The following NCAPG2 variants were observed in gnomAD, a reference collection of about 807,000 sequenced individuals.
The protein encoded by NCAPG2 is condensin-2 complex subunit G2.
In NCAPG2, 53 loss-of-function variants were observed where a neutral mutation model predicts 141.1. The ratio of observed to expected loss-of-function variants is 0.38; its 90% confidence interval spans 0.30 to 0.47. NCAPG2 has a LOEUF of 0.47. Among genes scored for constraint, NCAPG2 ranks in the 20% least tolerant of loss-of-function variants. The pLI, the probability that NCAPG2 is intolerant of heterozygous loss-of-function variation, is 0.99. For missense variants in NCAPG2, 1,087 were observed against 1,389.0 expected, an observed-to-expected ratio of 0.78 and a Z score of 3.46; for synonymous variants, 499 against 490.7, an observed-to-expected ratio of 1.02 and a Z score of -0.22.
intron 13 of NCAPG2, chr7:158,665,500 T>C (rs886401542): frequency 1.3e-5 from 2 of 152,256 alleles, no homozygotes; most frequent in African/African-American, 4.8e-5. Context: ...ACCTGCATGG[T>C]GAGCGAAACC....
chr7:158,678,220 TCTTA>T (rs1010059658), intron 11 of NCAPG2, among the ~76,000 whole-genome samples: 4 of 152,214 alleles, frequency 2.6e-5, no homozygotes, highest in African/African-American at 9.6e-5. Flanking sequence ...TAACCACTGC[TCTTA>T]CTTATTTATC....
At chr7:158,688,780 C>T (rs1216384475) in intron 6 of NCAPG2, among the ~76,000 whole-genome samples, 1 of 152,232 alleles carries the variant, frequency 6.6e-6, no homozygotes, top group Non-Finnish European at 1.5e-5. Context: ...AGCCAAAGGT[C>T]TCAGTCCTAA....
At position 158,651,153 on chromosome 7, in the gene NCAPG2, T is replaced by C. The variant is rs555825042; in HGVS notation, c.2935-181A>G. Among the ~76,000 whole-genome samples the C allele has an allele frequency of 3.5e-3, 532 of 152,234 alleles. 6 individuals carry two copies. Among genetic ancestry groups the C allele is most frequent in the Non-Finnish European group, 6.5e-3 (441 of 68,024 alleles). On this transcript the variant is annotated intron_variant, in intron 23 of 27. Transcript: ENST00000356309. ...CTCCCAGGCTGACTCAAACCTCCTA[T>C]GCACCACGGCCAGAAGATGATAGAC... is the stretch of plus-strand genomic sequence containing the variant.
chr7:158,667,059 C>T (rs1833018054), intron 13 of NCAPG2: 3 of 905,442 alleles, frequency 3.3e-6, no homozygotes, highest in Admixed American at 6.2e-5. Flanking sequence ...CTCTGGCCAG[C>T]CAGACTGCCT....
At chr7:158,675,680 C>T in intron 11 of NCAPG2, 24 bp from the exon 12 acceptor site, 1 of 1,594,858 alleles carries the variant, frequency 6.3e-7, no homozygotes, top group Non-Finnish European at 8.5e-7. Flanking sequence ...GGGAGAAAGG[C>T]TTAAAAACCT....
chr7:158,642,925 C>A (rs1159457690), intron 27 of NCAPG2, among the ~76,000 whole-genome samples: 2 of 152,092 alleles, frequency 1.3e-5, no homozygotes, highest in Non-Finnish European at 2.9e-5. Context: ...CAGAAGCGTG[C>A]CACCACACCC....
chr7:158,656,183 A>C, intron 19 of NCAPG2, 77 bp downstream of exon 19: 3 of 1,507,952 alleles, frequency 2.0e-6, no homozygotes, highest in Non-Finnish European at 2.7e-6. Flanking sequence ...TAGCACTGTA[A>C]ATATGAAAGC....
At chr7:158,678,734 A>C (rs992469568) in intron 11 of NCAPG2, among the ~76,000 whole-genome samples, 2 of 40,214 alleles carry the variant, frequency 5.0e-5, no homozygotes, top group African/African-American at 2.2e-4. Flanking sequence ...GGAATCTTTA[A>C]AAAAAAAAAA....
chr7:158,674,798 G>A (rs1833954373), intron 12 of NCAPG2, among the ~76,000 whole-genome samples: 1 of 152,240 alleles, frequency 6.6e-6, no homozygotes, highest in African/African-American at 2.4e-5. Flanking sequence ...GCAGGAAAGT[G>A]AGATCAGTTC....
At chr7:158,689,334 A>C (rs1402671297) in intron 6 of NCAPG2, among the ~76,000 whole-genome samples, 1 of 152,170 alleles carries the variant, frequency 6.6e-6, no homozygotes, top group Non-Finnish European at 1.5e-5. Context: ...ATCTCAGTTC[A>C]GTTGGGTCCC....
chr7:158,641,880 A>C lies in NCAPG2; in HGVS notation c.3380+2409T>G, dbSNP rs866869021. On this transcript the variant is annotated intron_variant, in intron 27 of 27. Transcript: ENST00000356309. ...AATTAGGAAGGACATAGTTCAACCC[A>C]AAAACATTGTCAATTGGATATAATG... Among the ~76,000 whole-genome samples, 18 of 152,320 alleles carry C rather than the reference A, an allele frequency of 1.2e-4. 1 individual carries two copies. The highest frequency in any genetic ancestry group is 2.6e-4 in the Admixed American group (4 of 15,300).
intron 10 of NCAPG2, 87 bp downstream of exon 10, chr7:158,680,634 T>A: frequency 1.2e-6 from 1 of 823,824 alleles, no homozygotes. Flanking sequence ...TCTTTACTAT[T>A]TTATTGTAAT....
At chr7:158,654,970 A>T (rs1239100419) in intron 21 of NCAPG2, 148 bp downstream of exon 21, 1 of 1,217,028 alleles carries the variant, frequency 8.2e-7, no homozygotes, top group South Asian at 1.6e-5. Context: ...CTTTGCAAAA[A>T]GATAAACTAG....
intron 27 of NCAPG2, among the ~76,000 whole-genome samples, chr7:158,642,453 G>A (rs943526369): frequency 2.6e-5 from 4 of 152,028 alleles, no homozygotes; most frequent in Non-Finnish European, 4.4e-5. Context: ...TGGGAGAATC[G>A]CTGGAGCCTG....
intron 22 of NCAPG2, among the ~76,000 whole-genome samples, chr7:158,653,976 G>A (rs756848577): frequency 2.0e-5 from 3 of 152,146 alleles, no homozygotes; most frequent in African/African-American, 7.2e-5. Context: ...GGGGCTAGGC[G>A]TCAGGGGCCA....
chr7:158,645,015 T>C (rs1380596420), intron 26 of NCAPG2, among the ~76,000 whole-genome samples: 1 of 152,222 alleles, frequency 6.6e-6, no homozygotes, highest in Non-Finnish European at 1.5e-5. Context: ...TTACTACATT[T>C]TATACTGAGC....
intron 13 of NCAPG2, among the ~76,000 whole-genome samples, chr7:158,669,429 A>T (rs928098346): frequency 1.3e-5 from 2 of 152,098 alleles, no homozygotes; most frequent in African/African-American, 4.8e-5. Context: ...AGGCTGTTTT[A>T]AAAAATGCCA....
intron 18 of NCAPG2, 41 bp downstream of exon 18, chr7:158,656,511 C>G: frequency 6.2e-7 from 1 of 1,611,996 alleles, no homozygotes; most frequent in Non-Finnish European, 8.5e-7. Flanking sequence ...ACACAGTTAT[C>G]CTCACTCACC....
At chr7:158,678,176 G>C (rs561840791) in intron 11 of NCAPG2, among the ~76,000 whole-genome samples, 5 of 151,902 alleles carry the variant, frequency 3.3e-5, no homozygotes, top group African/African-American at 1.2e-4. Flanking sequence ...AAAAGCATGA[G>C]AGAACAGTTA....
Sources: gnomAD v4.1 joint callset for allele counts (sites outside exome capture counted in the v4.1 genomes callset) on GRCh38, gnomAD v4.1.1 for gene constraint, MANE v1.5 for transcripts, NCBI Gene and HGNC (gene_info 2026-07-23, HGNC 2026-07-21) for gene names.